DLGAP1: variants seen among roughly 807,000 people sequenced by gnomAD.
DLGAP1 encodes disks large-associated protein 1.
DLGAP1 carries 11 observed loss-of-function variants against 90.8 expected under a neutral mutation model. The ratio of observed to expected loss-of-function variants is 0.12; its 90% CI spans 0.08 to 0.20. The LOEUF (loss-of-function observed/expected upper bound fraction) is 0.20, where lower values mean the gene tolerates loss of function less well. Ranked by LOEUF, DLGAP1 falls within the 10% of genes least tolerant of loss-of-function variation. DLGAP1 has a pLI of 1.00. For synonymous variants in DLGAP1, 558 were observed against 540.7 expected (o/e 1.03, Z -0.44); for missense variants, 1,050 against 1,333.8 (o/e 0.79, Z 3.31).
In DLGAP1 at chr18:3,727,545, A is replaced by T. The variant is rs1430369762; in HGVS notation, c.1591+1590T>A. On this transcript the variant is annotated intron_variant, in intron 7 of 12. Transcript: ENST00000315677. This position sits in a 1 kb window ranked among gnomAD's most constrained non-coding sequence, Gnocchi z 4.7. The stretch of plus-strand genomic sequence containing the variant: ...ATTTCAGCTGGCAGGCAATGAGTTC[A>T]TCATACAGAAGAATGGACCAGACAC... Among the ~76,000 whole-genome samples, 1 of 152,082 alleles carries T rather than the reference A, an allele frequency of 6.6e-6. No individual in the cohort carries two copies. The highest frequency in any genetic ancestry group is 2.4e-5 in the African/African-American group (1 of 41,414).
chr18:4,304,154 A>G (rs1277801297), intron 1 of DLGAP1, among the ~76,000 whole-genome samples: 1 of 152,228 alleles, frequency 6.6e-6, no homozygotes, highest in Non-Finnish European at 1.5e-5. Context: ...AGGTCATGAG[A>G]AATTAGTGTT....
intron 2 of DLGAP1, among the ~76,000 whole-genome samples, chr18:4,099,766 C>T (rs1001132294): frequency 6.7e-6 from 1 of 150,196 alleles, no homozygotes; most frequent in Non-Finnish European, 1.5e-5. Flanking sequence ...TGCAGTGGTG[C>T]AATCATGGCT....
intron 5 of DLGAP1, among the ~76,000 whole-genome samples, chr18:3,776,627 G>A (rs890890475): frequency 6.6e-5 from 10 of 152,070 alleles, no homozygotes; most frequent in African/African-American, 2.4e-4. Flanking sequence ...TGCCTTCCCT[G>A]CGCCAGTGCC....
chr18:3,964,302 G>T (rs942481003), intron 3 of DLGAP1, among the ~76,000 whole-genome samples: 1 of 152,182 alleles, frequency 6.6e-6, no homozygotes, highest in Non-Finnish European at 1.5e-5. Flanking sequence ...AAAAGGCCCA[G>T]GAAAAAATTC....
intron 10 of DLGAP1, among the ~76,000 whole-genome samples, chr18:3,519,406 A>G (rs1452986373): frequency 2.0e-5 from 3 of 152,084 alleles, no homozygotes; most frequent in Non-Finnish European, 4.4e-5. Context: ...GTCCTTTGCA[A>G]TGTATTTGGT....
intron 3 of DLGAP1, among the ~76,000 whole-genome samples, chr18:3,958,947 G>A (rs1045324510): frequency 3.9e-5 from 6 of 152,146 alleles, no homozygotes; most frequent in Non-Finnish European, 8.8e-5. Context: ...CTTAGACCTC[G>A]AACCTTCCCC....
At chr18:3,568,499 G>A (rs999323768) in intron 8 of DLGAP1, among the ~76,000 whole-genome samples, 33 of 151,950 alleles carry the variant, frequency 2.2e-4, no homozygotes, top group East Asian at 2.1e-3. Context: ...GGTTTATTCC[G>A]TTTTCCTACT....
intron 2 of DLGAP1, among the ~76,000 whole-genome samples, chr18:4,038,474 C>CAGAT (rs2074924215): frequency 6.6e-6 from 1 of 152,070 alleles, no homozygotes; most frequent in South Asian, 2.1e-4. Context: ...AAACCGCTTG[C>CAGAT]AGATAGTTCT....
intron 7 of DLGAP1, among the ~76,000 whole-genome samples, chr18:3,703,915 G>A (rs777429408): frequency 6.6e-6 from 1 of 152,070 alleles, no homozygotes; most frequent in East Asian, 1.9e-4. Flanking sequence ...TCCTCCCCAC[G>A]TTCCCCTTCA....
intron 5 of DLGAP1, among the ~76,000 whole-genome samples, chr18:3,804,081 C>T (rs2066453085): frequency 6.7e-6 from 1 of 149,666 alleles, no homozygotes; most frequent in South Asian, 2.1e-4. Context: ...GCAACCTCTG[C>T]CTCCCGAGTT....
chr18:4,432,589 AGT>A (rs545618675), intron 1 of DLGAP1, among the ~76,000 whole-genome samples: 35,230 of 111,146 alleles, frequency 0.32, 4,230 homozygotes, highest in East Asian at 0.49. Flanking sequence ...CACCTCACAT[AGT>A]GTGTGTGTGT....
chr18:4,143,462 G>T (rs1457054337), intron 2 of DLGAP1, among the ~76,000 whole-genome samples: 2 of 151,710 alleles, frequency 1.3e-5, no homozygotes, highest in Non-Finnish European at 2.9e-5. Context: ...AAGGGCTCTT[G>T]AGTTAGCTTG....
intron 2 of DLGAP1, among the ~76,000 whole-genome samples, chr18:4,081,867 T>A (rs6506177): frequency 6.6e-6 from 1 of 151,954 alleles, no homozygotes; most frequent in Non-Finnish European, 1.5e-5. Context: ...TCATTTACTA[T>A]GCTCCTAAAA....
In DLGAP1 at chr18:3,688,614, GACACACACACACACACACAC is replaced by G. The variant is rs60415611; in HGVS notation, c.1591+40501_1591+40520del. Among the ~76,000 whole-genome samples the G allele has an allele frequency of 2.4e-4, 24 of 100,730 alleles. No individual in the cohort carries two copies. The South Asian group carries it at 5.4e-3, about 23-fold the overall frequency. The allele number at this position is 100,730 out of a possible 152,430, so 66.1% of individuals were successfully genotyped here. The stretch of plus-strand genomic sequence containing the variant: ...AGATATATTCTAGGTATTAAAAAAA[GACACACACACACACACACAC>G]ACACACACACACACACACACACACA... On this transcript the variant is annotated intron_variant, in intron 7 of 12. Transcript: ENST00000315677.
intron 2 of DLGAP1, among the ~76,000 whole-genome samples, chr18:4,140,359 C>T (rs777705489): frequency 2.6e-5 from 4 of 151,830 alleles, no homozygotes; most frequent in Non-Finnish European, 5.9e-5. Flanking sequence ...CAACTTAACA[C>T]TGATTGTATA....
At chr18:3,860,735 A>G in intron 4 of DLGAP1, among the ~76,000 whole-genome samples, 1 of 152,192 alleles carries the variant, frequency 6.6e-6, no homozygotes, top group East Asian at 1.9e-4. Context: ...TTCATGGAAA[A>G]AGGGACTTTG....
At chr18:3,880,944 G>GAAAAAAAAAAAAAAA (rs1173817359) in intron 3 of DLGAP1, among the ~76,000 whole-genome samples, 32 of 38,084 alleles carry the variant, frequency 8.4e-4, no homozygotes, top group East Asian at 2.3e-3. Flanking sequence ...CTCCATCTCA[G>GAAAAAAAAAAAAAAA]AAAAAAAAAA....
chr18:3,552,820 C>T (rs940484762), intron 9 of DLGAP1, among the ~76,000 whole-genome samples: 2 of 152,186 alleles, frequency 1.3e-5, no homozygotes, highest in Admixed American at 6.5e-5. Context: ...CCAATGCCAC[C>T]CATCCACATG....
Position 3,646,823 on chromosome 18 carries a change from G to A in DLGAP1, c.1592-64575C>T, listed in dbSNP as rs1674729482. Among the ~76,000 whole-genome samples the A allele has an allele frequency of 2.6e-5, 4 of 152,252 alleles. No homozygotes were observed. In the South Asian group the frequency reaches 8.3e-4, roughly 32 times the overall value. ...GCCTGTAGTCCCAGCTACTCGGGAG[G>A]CTGAAGCAGGAGAATGGCTTGAACC... On this transcript the variant is annotated intron_variant, in intron 7 of 12. Transcript: ENST00000315677.
Sources: allele counts gnomAD v4.1 joint callset (sites outside exome capture counted in the v4.1 genomes callset), GRCh38; gene constraint gnomAD v4.1.1; non-coding constraint Gnocchi (gnomAD v3.1); transcripts MANE v1.5; gene names NCBI Gene and HGNC (gene_info 2026-07-23, HGNC 2026-07-21).